Variants in LTBP1 observed in about 807,000 individuals in gnomAD.
The protein encoded by LTBP1 is latent-transforming growth factor beta-binding protein 1.
Under a neutral mutation model 207.6 loss-of-function variants are expected in LTBP1, and 129 were observed. The observed-to-expected ratio is 0.62, with a 90% confidence interval of 0.54 to 0.72. The LOEUF is 0.72. Among genes scored for constraint, LTBP1 ranks in the 30% least tolerant of loss-of-function variants. The pLI, the probability that LTBP1 is intolerant of heterozygous loss-of-function variation, is 0.00. For synonymous variants in LTBP1, 963 were observed against 833.7 expected (o/e 1.16, Z -2.67); for missense variants, 2,281 against 2,217.2 (o/e 1.03, Z -0.58).
intron 32 of LTBP1, among the ~76,000 whole-genome samples, chr2:33,396,186 G>C (rs189859350): frequency 6.6e-6 from 1 of 150,878 alleles, no homozygotes; most frequent in Non-Finnish European, 1.5e-5. Context: ...TTTTTTTTTG[G>C]TGTGTGTGTG....
intron 9 of LTBP1, among the ~76,000 whole-genome samples, chr2:33,243,461 G>C (rs80279014): frequency 6.6e-6 from 1 of 151,892 alleles, no homozygotes; most frequent in Non-Finnish European, 1.5e-5. Flanking sequence ...GCATGTAGTA[G>C]GTATGTAATA....
chr2:33,193,438 A>T (rs1330362601), intron 7 of LTBP1, among the ~76,000 whole-genome samples: 1 of 152,176 alleles, frequency 6.6e-6, no homozygotes, highest in African/African-American at 2.4e-5. Flanking sequence ...CACCGCACCC[A>T]GCAGGAAAAT....
intron 3 of LTBP1, among the ~76,000 whole-genome samples, chr2:33,062,499 C>T (rs564836942): frequency 6.6e-6 from 1 of 152,096 alleles, no homozygotes; most frequent in African/African-American, 2.4e-5. Flanking sequence ...CAGGATGCTT[C>T]ATTTTTTTTC....
intron 3 of LTBP1, among the ~76,000 whole-genome samples, chr2:33,082,642 G>T (rs376187380): frequency 2.4e-3 from 358 of 151,852 alleles, no homozygotes; most frequent in South Asian, 7.1e-3. Context: ...AGCCAGGATG[G>T]TCTCAATCTC....
Position 33,309,446 on chromosome 2 carries a change from G to A in LTBP1, c.3494G>A (p.Cys1165Tyr), listed in dbSNP as rs1419492253. The A allele has an allele frequency of 6.3e-7, 1 of 1,598,528 alleles. No individual in the cohort carries two copies. The highest frequency in any genetic ancestry group is 1.8e-5 in the Admixed American group (1 of 55,620). Residue 1165 changes from cysteine (C) to tyrosine (Y), a missense_variant, in exon 23 of 34, where the codon TGC becomes TAC. Cys to Tyr is a radical substitution (Grantham distance 194). Coordinates refer to ENST00000404816, the MANE Select transcript of LTBP1 (RefSeq NM_206943.4). The part of the protein sequence containing the change: ...LGDHCEDINE[C>Y]LEDKSVCQRG... ...AATTGGTTTTTAGATATCAATGAAT[G>A]CTTGGAGGACAAGAGTGTTTGCCAG... is the stretch of plus-strand genomic sequence containing the variant.
rs558784051 is a variant in LTBP1 at position 33,000,766 on chromosome 2, C to T, written c.566-20143C>T. ...TAATAAGTACTCTGGGTTTTTCAAACTGTGTTCTCAGAAACCCTTAGGATT... is the reference window on the plus strand; with the variant it reads ...TAATAAGTACTCTGGGTTTTTCAAATTGTGTTCTCAGAAACCCTTAGGATT... On this transcript the variant is annotated intron_variant, in intron 2 of 33. Transcript: ENST00000404816. Among the ~76,000 whole-genome samples, 4 of 134,114 alleles carry T rather than the reference C, an allele frequency of 3.0e-5. 1 individual carries two copies. The highest frequency in any genetic ancestry group is 1.5e-4 in the Admixed American group (2 of 12,990). The allele number at this position is 134,114 out of a possible 152,430, so 88.0% of individuals were successfully genotyped here.
Position 32,947,302 on chromosome 2 carries a change from G to C in LTBP1, c.-23G>C. The stretch of plus-strand genomic sequence containing the variant: ...GGAGGGGGCCGGACCGCGCGCGACC[G>C]GTCGCGCCCGCTGGGGCCCGCGATG... On this transcript the variant is annotated 5_prime_UTR_variant, in exon 1 of 34. Coordinates refer to ENST00000404816, the MANE Select transcript of LTBP1 (RefSeq NM_206943.4). The C allele has an allele frequency of 2.3e-5, 28 of 1,210,096 alleles. No individual in the cohort carries two copies. Among genetic ancestry groups the C allele is most frequent in the Middle Eastern group, 3.3e-4 (1 of 3,032 alleles). The allele number at this position is 1,210,096 out of a possible 1,614,324, so 75.0% of individuals were successfully genotyped here. A position where few individuals can be genotyped will look rare whatever the true frequency, so the allele number is the denominator to read the frequency against.
intron 3 of LTBP1, among the ~76,000 whole-genome samples, chr2:33,052,753 A>G (rs1343428138): frequency 6.6e-6 from 1 of 152,122 alleles, no homozygotes; most frequent in Non-Finnish European, 1.5e-5. Flanking sequence ...TAGTTGTAGT[A>G]CCTTAGCCTC....
intron 2 of LTBP1, among the ~76,000 whole-genome samples, chr2:33,010,721 CTTT>C (rs1256189915): frequency 6.7e-5 from 9 of 134,808 alleles, no homozygotes; most frequent in Non-Finnish European, 4.8e-5. Flanking sequence ...GATTTTAATC[CTTT>C]TTTTTTTTTT....
At position 33,257,201 on chromosome 2, in the gene LTBP1, G is replaced by C. The variant is rs1010619984; in HGVS notation, c.2168-83G>C. Reference sequence around the variant, plus strand: ...AACTACATTAGTGATGATTTATTAAGAGCTATTCATCATGATATTTTCCTC... The same window carrying C: ...AACTACATTAGTGATGATTTATTAACAGCTATTCATCATGATATTTTCCTC... On this transcript the variant is annotated intron_variant, in intron 11 of 33. Coordinates refer to ENST00000404816, the MANE Select transcript of LTBP1 (RefSeq NM_206943.4). 6.1e-6 allele frequency: 6 copies of C among 982,644 alleles called. No homozygotes were observed. In the Admixed American group the frequency reaches 1.2e-4, roughly 19 times the overall value. The allele number at this position is 982,644 out of a possible 1,614,324, so 60.9% of individuals were successfully genotyped here. A position where few individuals can be genotyped will look rare whatever the true frequency, so the allele number is the denominator to read the frequency against.
Position 33,012,927 on chromosome 2 carries a change from G to A in LTBP1, c.566-7982G>A, listed in dbSNP as rs56213213. ...AGGTGCTTAAGGAGTGAATGGCAGT[G>A]AATAATGAAATAACGTGTTTTAATT... is the stretch of plus-strand genomic sequence containing the variant. On this transcript the variant is annotated intron_variant, in intron 2 of 33. Transcript: ENST00000404816. 8.1e-3 allele frequency among the ~76,000 whole-genome samples: 1,230 copies of A among 152,284 alleles called. 10 individuals carry two copies. The highest frequency in any genetic ancestry group is 0.026 in the African/African-American group (1,094 of 41,568).
intron 18 of LTBP1, among the ~76,000 whole-genome samples, chr2:33,278,634 A>T (rs1436930061): frequency 2.6e-5 from 4 of 152,160 alleles, no homozygotes; most frequent in African/African-American, 9.7e-5. Context: ...CAGGGACATT[A>T]TCTTGTATTG....
chr2:33,143,986 A>G (rs530268604), intron 5 of LTBP1, among the ~76,000 whole-genome samples: 10 of 152,144 alleles, frequency 6.6e-5, no homozygotes, highest in Non-Finnish European at 1.0e-4. Flanking sequence ...GAGGCTCACA[A>G]GAAGTGGCAG....
intron 7 of LTBP1, among the ~76,000 whole-genome samples, chr2:33,198,396 G>A (rs1255573413): frequency 6.6e-6 from 1 of 152,144 alleles, no homozygotes; most frequent in Non-Finnish European, 1.5e-5. Context: ...TTGGTATCAG[G>A]ATGATGCTGG....
chr2:33,393,133 T>C (rs1419672896), intron 32 of LTBP1, among the ~76,000 whole-genome samples: 2 of 151,856 alleles, frequency 1.3e-5, no homozygotes, highest in Non-Finnish European at 2.9e-5. Flanking sequence ...GTGGTACAGA[T>C]TATTACATCA....
At chr2:33,314,351 A>G (rs186915517) in intron 23 of LTBP1, among the ~76,000 whole-genome samples, 1 of 152,130 alleles carries the variant, frequency 6.6e-6, no homozygotes, top group Non-Finnish European at 1.5e-5. Context: ...GGAGTTCCAG[A>G]CCAGCCTGGG....
chr2:33,343,056 G>C (rs2094650088), intron 25 of LTBP1, 93 bp downstream of exon 25: 1 of 1,372,088 alleles, frequency 7.3e-7, no homozygotes, highest in Non-Finnish European at 9.9e-7. Context: ...AGGTAATTTG[G>C]GTAGAGCTTT....
chr2:33,213,018 C>T (rs78972719), intron 7 of LTBP1, among the ~76,000 whole-genome samples: 2,249 of 152,236 alleles, frequency 0.015, 24 homozygotes, highest in East Asian at 0.027. Context: ...CATGTCTGCA[C>T]GTAGTCTCAC....
rs1301619917 is a variant in LTBP1 at position 33,301,658 on chromosome 2, C to G, written c.3481+14C>G. 1.5e-5 allele frequency: 23 copies of G among 1,568,002 alleles called. No individual in the cohort carries two copies. The East Asian group carries it at 1.6e-4, about 11-fold the overall frequency. ...ACCACTGTGAAGGTAAGAATTGCTC[C>G]TGATTTCAGAATCATAAAATGCCCA... is the stretch of plus-strand genomic sequence containing the variant. On this transcript the variant is annotated intron_variant, in intron 22 of 33. Coordinates refer to ENST00000404816, the MANE Select transcript of LTBP1 (RefSeq NM_206943.4).
Sources: allele counts gnomAD v4.1 joint callset (sites outside exome capture counted in the v4.1 genomes callset), GRCh38; gene constraint gnomAD v4.1.1; transcripts MANE v1.5; gene names NCBI Gene and HGNC (gene_info 2026-07-23, HGNC 2026-07-21).